Variants in KLK3 observed in about 807,000 individuals in gnomAD.
KLK3 encodes the protein prostate-specific antigen.
KLK3 carries 23 observed loss-of-function variants against 27.7 expected under a neutral mutation model. The ratio of observed to expected loss-of-function variants is 0.83; its 90% CI spans 0.60 to 1.17. The LOEUF is 1.17. Among genes scored for constraint, KLK3 ranks in the 50% most tolerant of loss-of-function variants. The pLI is 0.00. For synonymous variants in KLK3, 142 were observed against 134.2 expected, an observed-to-expected ratio of 1.06 and a Z score of -0.40; for missense variants, 322 against 338.1, an observed-to-expected ratio of 0.95 and a Z score of 0.37.
At chr19:50,859,093 G>T (rs1415051098) in intron 4 of KLK3, 6 of 200,484 alleles carry the variant, frequency 3.0e-5, no homozygotes, top group East Asian at 2.4e-4. Flanking sequence ...GGGCCCTGCG[G>T]CACCTGGGGG....
intron 2 of KLK3, chr19:50,857,617 C>A: frequency 6.0e-6 from 1 of 166,934 alleles, no homozygotes; most frequent in Non-Finnish European, 1.3e-5. Context: ...TGACTTCCTG[C>A]TTCCCTTTCT....
At chr19:50,857,835 A>G (rs2123459400) in intron 2 of KLK3, 194 bp from the exon 3 acceptor site, 2 of 578,436 alleles carry the variant, frequency 3.5e-6, no homozygotes, top group Non-Finnish European at 6.0e-6. Context: ...CAGTTTCTGT[A>G]TCTGCCCTTC....
intron 4 of KLK3, 88 bp downstream of exon 4, chr19:50,858,683 C>A: frequency 7.0e-7 from 1 of 1,434,022 alleles, no homozygotes; most frequent in Non-Finnish European, 9.7e-7. Flanking sequence ...AACAAGGCGT[C>A]TGCCTCCCCT....
Position 50,860,257 on chromosome 19 carries a change from C to A in KLK3, c.*130C>A. 1.4e-6 allele frequency: 1 copy of A among 695,316 alleles called. No homozygotes were observed. Among genetic ancestry groups the A allele is most frequent in the South Asian group, 2.0e-5 (1 of 51,246 alleles). 43.1% of individuals were successfully genotyped at this position (695,316 alleles called of 1,614,324 possible). A position where few individuals can be genotyped will look rare whatever the true frequency, so the allele number is the denominator to read the frequency against. On this transcript the variant is annotated 3_prime_UTR_variant, in exon 5 of 5. Transcript: ENST00000326003. ...GTCCAGGGTTGCTAGGAAAAGAAAT[C>A]AGCAGACACAGGTGTAGACCAGAGT...
At chr19:50,856,672 T>A (rs955294410) in intron 2 of KLK3, 2 of 424,616 alleles carry the variant, frequency 4.7e-6, no homozygotes, top group African/African-American at 4.1e-5. Flanking sequence ...GTGTGACTAT[T>A]TTGTTCTCTC....
Position 50,857,023 on chromosome 19 carries a change from C to T in KLK3, c.206+624C>T, listed in dbSNP as rs530161760. On this transcript the variant is annotated intron_variant, in intron 2 of 4. Transcript: ENST00000326003. ...CTAAAAATACAAAAAATTAGCCAGGCGTGGTGGCGCATGCCTGTAGTCCCA... is the reference window on the plus strand; with the variant it reads ...CTAAAAATACAAAAAATTAGCCAGGTGTGGTGGCGCATGCCTGTAGTCCCA... 2.2e-3 allele frequency among the ~76,000 whole-genome samples: 329 copies of T among 151,768 alleles called. 3 individuals are homozygous for T. The highest frequency in any genetic ancestry group is 5.1e-3 in the African/African-American group (212 of 41,402).
At position 50,858,163 on chromosome 19, in the gene KLK3, G is replaced by A. The variant is rs764323663; in HGVS notation, c.341G>A (p.Gly114Asp). Residue 114 changes from glycine (G) to aspartate (D), a missense_variant, in exon 3 of 5, where the codon GGT becomes GAT. Gly to Asp is a moderately conservative substitution (Grantham distance 94, BLOSUM62 -1). Transcript: ENST00000326003. ...CTGAAGAATCGATTCCTCAGGCCAG[G>A]TGATGACTCCAGCCACGACCTCATG... The part of the protein sequence containing the change: ...SLLKNRFLRP[G>D]DDSSHDLMLL... The A allele has an allele frequency of 1.9e-6, 3 of 1,614,186 alleles. No homozygotes were observed. Among genetic ancestry groups the A allele is most frequent in the Non-Finnish European group, 2.5e-6 (3 of 1,180,038 alleles).
In KLK3 at chr19:50,860,079, G is replaced by A. The variant is rs963195194; in HGVS notation, c.738G>A (p.Val246=). 6.2e-7 allele frequency: 1 copy of A among 1,614,058 alleles called. No individual in the cohort carries two copies. The highest frequency in any genetic ancestry group is 8.5e-7 in the Non-Finnish European group (1 of 1,179,946). ...LPERPSLYTK[V]VHYRKWIKDT... The stretch of plus-strand genomic sequence containing the variant: ...AAAGGCCTTCCCTGTACACCAAGGT[G>A]GTGCATTACCGGAAGTGGATCAAGG... The change falls in exon 5 of 5, where the codon GTG becomes GTA. Residue 246 remains valine (V), a synonymous_variant. Transcript: ENST00000326003.
At chr19:50,856,616 C>T (rs1335638060) in intron 2 of KLK3, 3 of 525,146 alleles carry the variant, frequency 5.7e-6, no homozygotes, top group East Asian at 6.7e-5. Context: ...CTCTTTGTGT[C>T]GCTTTCATTA....
At chr19:50,855,041 C>A (rs768847189) in intron 1 of KLK3, 40 bp downstream of exon 1, 53 of 1,600,198 alleles carry the variant, frequency 3.3e-5, no homozygotes, top group Non-Finnish European at 2.6e-6. Context: ...GGAGAGGGAG[C>A]CAGCCCTGAC....
chr19:50,857,631 T>G, intron 2 of KLK3: 1 of 169,564 alleles, frequency 5.9e-6, no homozygotes, highest in Non-Finnish European at 1.3e-5. Context: ...CCTTTCTCAT[T>G]CATCTGTTTC....
At chr19:50,857,183 A>AAAAAAAAAAAG (rs1491335383) in intron 2 of KLK3, among the ~76,000 whole-genome samples, 11 of 128,926 alleles carry the variant, frequency 8.5e-5, no homozygotes, top group South Asian at 2.4e-4. Context: ...AAAAAAAAAA[A>AAAAAAAAAAAG]GAAAAGAAAA....
chr19:50,854,986 T>C lies in KLK3; in HGVS notation c.31T>C (p.Ser11Pro). ...GGTCCCGGTTGTCTTCCTCACCCTG[T>C]CCGTGACGTGGATTGGTGAGAGGGG... MWVPVVFLTL[S>P]VTWIGAAPLI... The change falls in exon 1 of 5, where the codon TCC becomes CCC. Residue 11 changes from serine to proline, a missense_variant. By Grantham distance (74) the Ser-to-Pro change is moderately conservative. Coordinates refer to ENST00000326003, the MANE Select transcript of KLK3 (RefSeq NM_001648.2). The C allele has an allele frequency of 6.2e-7, 1 of 1,613,786 alleles. No homozygotes were observed.
chr19:50,859,445 C>A, intron 4 of KLK3: 3 of 1,097,798 alleles, frequency 2.7e-6, no homozygotes, highest in Non-Finnish European at 2.8e-6. Flanking sequence ...CAGGCATTGT[C>A]CCCACCTGGG....
At chr19:50,858,915 C>T (rs1051447013) in intron 4 of KLK3, 4 of 487,746 alleles carry the variant, frequency 8.2e-6, no homozygotes, top group Non-Finnish European at 1.1e-5. Context: ...CTGTAGCCCC[C>T]AAGCCAGTGA....
intron 4 of KLK3, 55 bp from the exon 5 acceptor site, chr19:50,859,917 C>A: frequency 6.4e-7 from 1 of 1,556,192 alleles, no homozygotes; most frequent in South Asian, 1.2e-5. Context: ...GATAGGATTG[C>A]CCAGGCAGAA....
intron 4 of KLK3, 50 bp downstream of exon 4, chr19:50,858,645 C>T (rs966135363): frequency 1.0e-5 from 16 of 1,607,438 alleles, no homozygotes; most frequent in Non-Finnish European, 1.4e-5. Context: ...GAGTGGGGAC[C>T]TTAATTCTGG....
At chr19:50,855,064 G>T (rs1267063159) in intron 1 of KLK3, 63 bp downstream of exon 1, 1 of 1,571,494 alleles carries the variant, frequency 6.4e-7, no homozygotes, top group Admixed American at 1.7e-5. Context: ...TCAAGCTGAG[G>T]CTCTTTCCCC....
intron 4 of KLK3, chr19:50,858,833 C>A (rs2090166451): frequency 1.7e-6 from 1 of 602,904 alleles, no homozygotes; most frequent in Admixed American, 2.9e-5. Context: ...TTACTAGGCA[C>A]CTGCTATGCA....
Sources: allele counts gnomAD v4.1 joint callset (sites outside exome capture counted in the v4.1 genomes callset), GRCh38; gene constraint gnomAD v4.1.1; transcripts MANE v1.5; gene names NCBI Gene and HGNC (gene_info 2026-07-23, HGNC 2026-07-21).